The following CTSB variants were observed in gnomAD, a reference collection of about 807,000 sequenced individuals.
CTSB encodes the protein cathepsin B, also known as APP secretase.
Under a neutral mutation model 44.3 loss-of-function variants are expected in CTSB, and 57 were observed. That is an observed-to-expected ratio of 1.29 (90% confidence interval 1.04 to 1.60). The LOEUF (loss-of-function observed/expected upper bound fraction) is 1.60, where lower values mean the gene tolerates loss of function less well. Ranked by LOEUF, CTSB falls within the 40% of genes most tolerant of loss-of-function variation. The pLI, the probability that CTSB is intolerant of heterozygous loss-of-function variation, is 0.00. For synonymous variants in CTSB, 320 were observed against 168.0 expected (o/e 1.91, Z -7.00); for missense variants, 768 against 443.0 (o/e 1.73, Z -6.59).
chr8:11,853,276 T>C, intron 2 of CTSB, 53 bp downstream of exon 2: 1 of 1,601,958 alleles, frequency 6.2e-7, no homozygotes, highest in South Asian at 1.1e-5. Context: ...GGAGTCAGTG[T>C]GCACAGACCG....
At chr8:11,860,984 A>G (rs191451052) in intron 1 of CTSB, among the ~76,000 whole-genome samples, 9 of 152,284 alleles carry the variant, frequency 5.9e-5, no homozygotes, top group Admixed American at 1.3e-4. Flanking sequence ...GCTGACCTCA[A>G]CTATGCTCTG....
In CTSB at chr8:11,847,047, C is replaced by T. The variant is rs543574032; in HGVS notation, c.793+5G>A. ...CCTCTATTGCCATCAGCCATCAGCACGCACCTGACTTGTAGAGCAGGAAGT... is the reference window on the plus strand; with the variant it reads ...CCTCTATTGCCATCAGCCATCAGCATGCACCTGACTTGTAGAGCAGGAAGT... On this transcript the variant is annotated splice_donor_5th_base_variant and intron_variant, in intron 8 of 9. Coordinates refer to ENST00000353047, the MANE Select transcript of CTSB (RefSeq NM_001908.5). 3.7e-5 allele frequency: 56 copies of T among 1,499,190 alleles called. No homozygotes were observed. The highest frequency in any genetic ancestry group is 2.1e-4 in the South Asian group (19 of 88,792). The allele number at this position is 1,499,190 out of a possible 1,614,324, so 92.9% of individuals were successfully genotyped here.
In CTSB at chr8:11,847,593, C is replaced by T. The variant is rs568987258; in HGVS notation, c.676+86G>A. The T allele has an allele frequency of 4.8e-6, 7 of 1,446,638 alleles. No individual in the cohort carries two copies. In the African/African-American group the frequency reaches 7.1e-5, roughly 15 times the overall value. 89.6% of individuals were successfully genotyped at this position (1,446,638 alleles called of 1,614,324 possible). A position where few individuals can be genotyped will look rare whatever the true frequency, so the allele number is the denominator to read the frequency against. On this transcript the variant is annotated intron_variant, in intron 7 of 9. Coordinates refer to ENST00000353047, the MANE Select transcript of CTSB (RefSeq NM_001908.5). ...GTTCCGGGACCCCAAGGCTCCTCAG[C>T]CCTGACCTCTTCGCTGCAGCGTGAG...
chr8:11,856,926 T>TA (rs1815616639), intron 1 of CTSB, among the ~76,000 whole-genome samples: 1 of 152,192 alleles, frequency 6.6e-6, no homozygotes, highest in Non-Finnish European at 1.5e-5. Flanking sequence ...TTGGCAGTAT[T>TA]ACTAAAGGCC....
chr8:11,857,283 G>A (rs1410840369), intron 1 of CTSB, among the ~76,000 whole-genome samples: 7 of 152,148 alleles, frequency 4.6e-5, no homozygotes, highest in Admixed American at 4.6e-4. Context: ...TTCCCAAAGT[G>A]CTAGGATTAC....
chr8:11,848,825 G>T (rs1432336335), intron 5 of CTSB: 1 of 470,384 alleles, frequency 2.1e-6, no homozygotes, highest in Non-Finnish European at 3.9e-6. Context: ...TGTTTTGCTG[G>T]GATGCCACCC....
intron 5 of CTSB, 87 bp from the exon 6 acceptor site, chr8:11,848,239 ACTCGTG>A: frequency 8.3e-7 from 1 of 1,207,530 alleles, no homozygotes; most frequent in Non-Finnish European, 1.2e-6. Context: ...GCCCGAGGCC[ACTCGTG>A]GACCCACCCC....
chr8:11,857,642 G>A (rs1563421147), intron 1 of CTSB, among the ~76,000 whole-genome samples: 1 of 152,140 alleles, frequency 6.6e-6, no homozygotes, highest in Non-Finnish European at 1.5e-5. Context: ...AACCTGCCGT[G>A]GCCATTCCCT....
chr8:11,846,381 T>C (rs1330924365), intron 8 of CTSB: 3 of 152,294 alleles, frequency 2.0e-5, no homozygotes, highest in Non-Finnish European at 4.4e-5. Flanking sequence ...CACAGAAACT[T>C]TTTCTTGCCA....
chr8:11,848,037 GC>G, intron 6 of CTSB, 29 bp downstream of exon 6: 1 of 1,548,834 alleles, frequency 6.5e-7, no homozygotes, highest in Non-Finnish European at 8.9e-7. Flanking sequence ...AATCCATCTG[GC>G]CAGAAAGTGG....
intron 9 of CTSB, 102 bp from the exon 10 acceptor site, chr8:11,845,324 C>T: frequency 1.1e-6 from 1 of 886,630 alleles, no homozygotes; most frequent in South Asian, 1.5e-5. Context: ...CTGGCCACTC[C>T]TGCTGTTGGC....
chr8:11,861,617 A>C (rs1816429239), intron 1 of CTSB: 1 of 152,230 alleles, frequency 6.6e-6, no homozygotes, highest in South Asian at 2.1e-4. Flanking sequence ...GGTTGTAAAC[A>C]AGACAATTTA....
intron 5 of CTSB, among the ~76,000 whole-genome samples, 159 bp downstream of exon 5, chr8:11,848,887 G>T (rs753790817): frequency 6.6e-6 from 1 of 152,190 alleles, no homozygotes; most frequent in African/African-American, 2.4e-5. Context: ...CCAGGAAGCA[G>T]CAGCCTTGCC....
chr8:11,856,540 G>C (rs987626422), intron 1 of CTSB, among the ~76,000 whole-genome samples: 1 of 152,158 alleles, frequency 6.6e-6, no homozygotes, highest in African/African-American at 2.4e-5. Flanking sequence ...TTGAACCCAG[G>C]AGGCAGAGGC....
At chr8:11,863,102 C>A (rs896018978) in intron 1 of CTSB, among the ~76,000 whole-genome samples, 1 of 152,136 alleles carries the variant, frequency 6.6e-6, no homozygotes. Flanking sequence ...TGACTGAACC[C>A]AGGAGATTAA....
At chr8:11,849,818 T>A (rs1380795514) in intron 4 of CTSB, among the ~76,000 whole-genome samples, 4 of 152,020 alleles carry the variant, frequency 2.6e-5, no homozygotes, top group African/African-American at 9.7e-5. Flanking sequence ...TGACCTCAGG[T>A]GATCCGCCTG....
chr8:11,852,793 C>T (rs1386494211), intron 2 of CTSB, 98 bp from the exon 3 acceptor site: 2 of 1,068,336 alleles, frequency 1.9e-6, no homozygotes, highest in African/African-American at 3.1e-5. Context: ...AAACCAGAGA[C>T]CCTACCCAAT....
chr8:11,847,095 C>T lies in CTSB; in HGVS notation c.750G>A (p.Glu250=). ...MAEIYKNGPV[E]GAFSVYSDFL... ...AGTCCGAATACACAGAGAAAGCTCC[C>T]TCCACGGGGCCGTTTTTGTAGATCT... is the stretch of plus-strand genomic sequence containing the variant. The change falls in exon 8 of 10, where the codon GAG becomes GAA. Residue 250 remains glutamate (E), a synonymous_variant. Coordinates refer to ENST00000353047, the MANE Select transcript of CTSB (RefSeq NM_001908.5). 6.2e-7 allele frequency: 1 copy of T among 1,613,710 alleles called. No individual in the cohort carries two copies. The highest frequency in any genetic ancestry group is 8.5e-7 in the Non-Finnish European group (1 of 1,179,596).
Position 11,844,539 on chromosome 8 carries a change from C to G in CTSB, c.*586G>C, listed in dbSNP as rs1315715118. On this transcript the variant is annotated 3_prime_UTR_variant, in exon 10 of 10. Coordinates refer to ENST00000353047, the MANE Select transcript of CTSB (RefSeq NM_001908.5). Reference sequence around the variant, plus strand: ...AACTAGCACAGGTCTCCCGCTGTTCCACTGGCTCACCCACATGATTAGCAG... The same window carrying G: ...AACTAGCACAGGTCTCCCGCTGTTCGACTGGCTCACCCACATGATTAGCAG... The G allele has an allele frequency of 6.6e-6, 1 of 152,362 alleles. No homozygotes were observed. Among genetic ancestry groups the G allele is most frequent in the Non-Finnish European group, 1.5e-5 (1 of 68,186 alleles). 9.4% of individuals were successfully genotyped at this position (152,362 alleles called of 1,614,324 possible).
Sources: gnomAD v4.1 joint callset for allele counts (sites outside exome capture counted in the v4.1 genomes callset) on GRCh38, gnomAD v4.1.1 for gene constraint, MANE v1.5 for transcripts, NCBI Gene and HGNC (gene_info 2026-07-23, HGNC 2026-07-21) for gene names.